RAPH1: variants seen among roughly 807,000 people sequenced by gnomAD.
RAPH1 encodes ras-associated and pleckstrin homology domains-containing protein 1.
In RAPH1, 18 loss-of-function variants were observed where a neutral mutation model predicts 88.1. That is an observed-to-expected ratio of 0.20 (90% confidence interval 0.14 to 0.30). The LOEUF (loss-of-function observed/expected upper bound fraction) is 0.30. Among genes scored for constraint, RAPH1 ranks in the 10% least tolerant of loss-of-function variants. The probability of loss-of-function intolerance (pLI) is 1.00; values close to 1 mark genes in which losing one functional copy is unlikely to be tolerated. For missense variants in RAPH1, 1,448 were observed against 1,543.2 expected (o/e 0.94, Z 1.03); for synonymous variants, 587 against 559.0 (o/e 1.05, Z -0.71).
intron 1 of RAPH1, among the ~76,000 whole-genome samples, chr2:203,529,635 T>A (rs1690299041): frequency 6.6e-6 from 1 of 152,218 alleles, no homozygotes; most frequent in Non-Finnish European, 1.5e-5. Context: ...AGTGCTGGGA[T>A]TACAGGCATG....
Position 203,440,544 on chromosome 2 carries a change from G to C in RAPH1, c.2646C>G (p.Pro882=). 4 of 1,545,048 alleles carry C rather than the reference G, an allele frequency of 2.6e-6. No homozygotes were observed. Among genetic ancestry groups the C allele is most frequent in the Non-Finnish European group, 8.7e-7 (1 of 1,146,586 alleles). The change falls in exon 14 of 14, where the codon CCC becomes CCG. Residue 882 remains proline (P), a synonymous_variant. Coordinates refer to ENST00000319170, the MANE Select transcript of RAPH1 (RefSeq NM_213589.3). ...PPTPPAMESQ[P]LKPVPANVAP... is the part of the protein sequence containing the mutation. ...CTACATTTGCTGGGACAGGCTTTAA[G>C]GGCTGAGATTCCATGGCAGGGGGAG...
chr2:203,511,963 A>G (rs75214559), intron 1 of RAPH1, among the ~76,000 whole-genome samples: 4 of 152,038 alleles, frequency 2.6e-5, no homozygotes, highest in Non-Finnish European at 5.9e-5. Context: ...TACAAAAAAA[A>G]TTAGCTGGGT....
chr2:203,492,256 G>A (rs1039558798), intron 2 of RAPH1, among the ~76,000 whole-genome samples: 6 of 147,098 alleles, frequency 4.1e-5, no homozygotes, highest in African/African-American at 1.3e-4. Context: ...AAAAGAAACC[G>A]CACAGAGAGT....
chr2:203,452,229 T>TAA (rs1176970079), intron 10 of RAPH1, among the ~76,000 whole-genome samples: 1 of 152,160 alleles, frequency 6.6e-6, no homozygotes, highest in Non-Finnish European at 1.5e-5. Context: ...TTGAAGGAGT[T>TAA]AAAAATGTAC....
At chr2:203,477,075 C>A in intron 4 of RAPH1, 1 of 1,610,010 alleles carries the variant, frequency 6.2e-7, no homozygotes, top group Non-Finnish European at 8.5e-7. Flanking sequence ...ATAGAACTTA[C>A]AGGTGTCAGC....
chr2:203,458,656 G>C (rs1455061762), intron 7 of RAPH1, among the ~76,000 whole-genome samples: 1 of 152,042 alleles, frequency 6.6e-6, no homozygotes, highest in African/African-American at 2.4e-5. Context: ...TTCAAGTTTT[G>C]TTTTTTAGAA....
At chr2:203,490,343 G>A (rs1480319332) in intron 3 of RAPH1, among the ~76,000 whole-genome samples, 1 of 152,176 alleles carries the variant, frequency 6.6e-6, no homozygotes, top group East Asian at 1.9e-4. Flanking sequence ...ATCTTATACT[G>A]TTCCATGGTT....
intron 10 of RAPH1, among the ~76,000 whole-genome samples, chr2:203,452,072 T>C (rs1046573108): frequency 1.3e-5 from 2 of 152,184 alleles, no homozygotes; most frequent in Non-Finnish European, 2.9e-5. Context: ...TAAGCTGATA[T>C]GCGGGAAGTA....
rs202033259 is a variant in RAPH1 at position 203,506,852 on chromosome 2, ATATC to A, written c.1-11503_1-11500del. 8.9e-3 allele frequency among the ~76,000 whole-genome samples: 345 copies of A among 38,956 alleles called. 13 individuals carry two copies. The highest frequency in any genetic ancestry group is 0.043 in the Middle Eastern group (2 of 46). The allele number at this position is 38,956 out of a possible 152,430, so 25.6% of individuals were successfully genotyped here. On this transcript the variant is annotated intron_variant, in intron 1 of 13. Coordinates refer to ENST00000319170, the MANE Select transcript of RAPH1 (RefSeq NM_213589.3). Reference sequence around the variant, plus strand: ...TATATCTATATCTATATATCTATCTATATCTATATATATATATATATATATATAG... The same window carrying A: ...TATATCTATATCTATATATCTATCTATATATATATATATATATATATATAG...
rs753639392 is a variant in RAPH1, at chr2:203,489,581, T to C, written c.732+3A>G. The C allele has an allele frequency of 1.7e-5, 25 of 1,470,150 alleles. No individual in the cohort carries two copies. The South Asian group carries it at 3.7e-4, about 22-fold the overall frequency. 91.1% of individuals were successfully genotyped at this position (1,470,150 alleles called of 1,614,324 possible). A position where few individuals can be genotyped will look rare whatever the true frequency, so the allele number is the denominator to read the frequency against. Reference sequence around the variant, plus strand: ...TACCAGGGAAAAAGTTCCATTTATTTACCTCAGTAATTGGCTGCCCTTGAT... The same window carrying C: ...TACCAGGGAAAAAGTTCCATTTATTCACCTCAGTAATTGGCTGCCCTTGAT... On this transcript the variant is annotated splice_donor_region_variant and intron_variant, in intron 4 of 13. Transcript: ENST00000319170.
chr2:203,477,683 G>C (rs1353753718), intron 4 of RAPH1, among the ~76,000 whole-genome samples: 1 of 151,792 alleles, frequency 6.6e-6, no homozygotes, highest in Non-Finnish European at 1.5e-5. Flanking sequence ...TCCTCCCCTC[G>C]AATTCTAGAT....
In RAPH1 at chr2:203,435,588, T is replaced by C. The variant is rs1027344321; in HGVS notation, c.*3849A>G. 6.6e-6 allele frequency: 1 copy of C among 152,040 alleles called. No individual in the cohort carries two copies. Among genetic ancestry groups the C allele is most frequent in the African/African-American group, 2.4e-5 (1 of 41,374 alleles). The allele number at this position is 152,040 out of a possible 1,614,324, so 9.4% of individuals were successfully genotyped here. A position where few individuals can be genotyped will look rare whatever the true frequency, so the allele number is the denominator to read the frequency against. On this transcript the variant is annotated 3_prime_UTR_variant, in exon 14 of 14. Transcript: ENST00000319170. ...TCTTCCCCTAGAAACAGTCACCCTC[T>C]CGTCAAGTGTATGACCCAATTATAC...
At chr2:203,498,254 T>C (rs1399180277) in intron 1 of RAPH1, among the ~76,000 whole-genome samples, 1 of 152,222 alleles carries the variant, frequency 6.6e-6, no homozygotes, top group Non-Finnish European at 1.5e-5. Flanking sequence ...GTAACTTTAA[T>C]GAGTATTTTA....
Position 203,535,265 on chromosome 2 carries a change from AC to A in RAPH1, c.-156del, listed in dbSNP as rs2106032307. The A allele has an allele frequency of 7.4e-6, 1 of 135,146 alleles. No individual in the cohort carries two copies. The highest frequency in any genetic ancestry group is 2.6e-5 in the African/African-American group (1 of 38,912). 8.4% of individuals were successfully genotyped at this position (135,146 alleles called of 1,614,324 possible). A position where few individuals can be genotyped will look rare whatever the true frequency, so the allele number is the denominator to read the frequency against. On this transcript the variant is annotated 5_prime_UTR_variant, in exon 1 of 14. Transcript: ENST00000319170. ...TCCCGCGCCGCGCGCTCAGTGACTG[AC>A]TGACTGACTGACTGACTGACTGACT...
chr2:203,529,240 C>T (rs1257593335), intron 1 of RAPH1, among the ~76,000 whole-genome samples: 4 of 151,818 alleles, frequency 2.6e-5, no homozygotes, highest in African/African-American at 4.8e-5. Context: ...TCCCAAAATA[C>T]TAGGATTATA....
At chr2:203,442,155 GAAGAA>G in intron 13 of RAPH1, 1 of 1,443,558 alleles carries the variant, frequency 6.9e-7, no homozygotes, top group Non-Finnish European at 9.3e-7. Context: ...GAAAAAGCCA[GAAGAA>G]ATTAAGAGGA....
rs2098500783 is a variant in RAPH1 at position 203,439,086 on chromosome 2, TG to T, written c.*350del. The stretch of plus-strand genomic sequence containing the variant: ...TTCTAAATAAGTGATTAGAAGTTTT[TG>T]GTCCAATCCACATGATATAGAAATC... On this transcript the variant is annotated 3_prime_UTR_variant, in exon 14 of 14. Coordinates refer to ENST00000319170, the MANE Select transcript of RAPH1 (RefSeq NM_213589.3). The T allele has an allele frequency of 4.9e-6, 1 of 204,406 alleles. No individual in the cohort carries two copies. The allele number at this position is 204,406 out of a possible 1,614,324, so 12.7% of individuals were successfully genotyped here.
intron 1 of RAPH1, among the ~76,000 whole-genome samples, chr2:203,527,764 C>T (rs570084137): frequency 5.7e-5 from 8 of 140,378 alleles, no homozygotes; most frequent in African/African-American, 1.9e-4. Flanking sequence ...TGAGCCATTG[C>T]ACTCCAGCCT....
chr2:203,468,713 T>C (rs972913030), intron 4 of RAPH1, among the ~76,000 whole-genome samples: 10 of 152,202 alleles, frequency 6.6e-5, no homozygotes, highest in African/African-American at 2.4e-4. Flanking sequence ...ATAAATATTG[T>C]TGAATTGGCA....
Sources: gnomAD v4.1 joint callset for allele counts (sites outside exome capture counted in the v4.1 genomes callset) on GRCh38, gnomAD v4.1.1 for gene constraint, MANE v1.5 for transcripts, NCBI Gene and HGNC (gene_info 2026-07-23, HGNC 2026-07-21) for gene names.